The following SLC35F1 variants were observed in gnomAD, a reference collection of about 807,000 sequenced individuals.
SLC35F1 encodes the protein solute carrier family 35 member F1.
In SLC35F1, 14 loss-of-function variants were observed where a neutral mutation model predicts 48.7. That is an observed-to-expected ratio of 0.29 (90% confidence interval 0.19 to 0.45). The LOEUF (loss-of-function observed/expected upper bound fraction) is 0.45. Among genes scored for constraint, SLC35F1 ranks in the 20% least tolerant of loss-of-function variants. The probability of loss-of-function intolerance (pLI) is 1.00; values close to 1 mark genes in which losing one functional copy is unlikely to be tolerated. For missense variants in SLC35F1, 404 were observed against 500.0 expected (o/e 0.81, Z 1.83); for synonymous variants, 190 against 202.2 (o/e 0.94, Z 0.51).
rs1372316137 is a variant in SLC35F1, at chr6:118,093,302, C to T, written c.174-61143C>T. ...CTGCACTCCAGCCTGGGTGACAGAG[C>T]GAGACTCCATCTCAAAAAAAAAAAT... On this transcript the variant is annotated intron_variant, in intron 1 of 7. Transcript: ENST00000360388. Among the ~76,000 whole-genome samples, 9 of 151,592 alleles carry T rather than the reference C, an allele frequency of 5.9e-5. No individual in the cohort carries two copies. The East Asian group carries it at 9.7e-4, about 16-fold the overall frequency.
intron 1 of SLC35F1, among the ~76,000 whole-genome samples, chr6:118,033,202 T>G (rs1435588855): frequency 1.3e-5 from 2 of 152,166 alleles, no homozygotes; most frequent in African/African-American, 4.8e-5. Context: ...TATGCTCATT[T>G]GCATTTTATT....
intron 1 of SLC35F1, among the ~76,000 whole-genome samples, chr6:118,010,535 C>T (rs372176107): frequency 1.3e-5 from 2 of 152,102 alleles, no homozygotes; most frequent in African/African-American, 4.8e-5. Flanking sequence ...CTTTTTAAGG[C>T]TATATCAATA....
chr6:117,971,183 G>A (rs1458195174), intron 1 of SLC35F1, among the ~76,000 whole-genome samples: 2 of 152,152 alleles, frequency 1.3e-5, no homozygotes, highest in African/African-American at 2.4e-5. Flanking sequence ...AAACAAAGGG[G>A]CTACAGGCCT....
intron 1 of SLC35F1, among the ~76,000 whole-genome samples, chr6:117,908,108 C>T (rs2114790731): frequency 6.6e-6 from 1 of 152,348 alleles, no homozygotes; most frequent in African/African-American, 2.4e-5. Context: ...AGTGGTGGAG[C>T]TGCAGCTGGT....
chr6:118,120,640 A>G (rs992062133), intron 1 of SLC35F1, among the ~76,000 whole-genome samples: 9 of 152,176 alleles, frequency 5.9e-5, no homozygotes, highest in Non-Finnish European at 1.0e-4. Flanking sequence ...AAAATAATGA[A>G]CAAGGGCTCA....
chr6:118,011,182 T>C (rs1777241337), intron 1 of SLC35F1, among the ~76,000 whole-genome samples: 1 of 152,166 alleles, frequency 6.6e-6, no homozygotes, highest in Admixed American at 6.5e-5. Flanking sequence ...AGACATTAGA[T>C]TCTTATAAGG....
At chr6:118,217,138 T>C (rs770476187) in intron 2 of SLC35F1, among the ~76,000 whole-genome samples, 10 of 152,340 alleles carry the variant, frequency 6.6e-5, no homozygotes, top group Non-Finnish European at 1.2e-4. Flanking sequence ...TATACATGCA[T>C]ATTCAAAAGG....
intron 1 of SLC35F1, among the ~76,000 whole-genome samples, chr6:117,979,313 AC>A (rs1366729729): frequency 6.6e-6 from 1 of 151,864 alleles, no homozygotes; most frequent in African/African-American, 2.4e-5. Context: ...TAATATCACA[AC>A]CCTCCGTTAC....
intron 1 of SLC35F1, among the ~76,000 whole-genome samples, chr6:118,001,887 A>G (rs1323663831): frequency 2.0e-5 from 3 of 151,628 alleles, no homozygotes; most frequent in Non-Finnish European, 4.4e-5. Flanking sequence ...AATGCAAATC[A>G]AAACCACAAT....
At chr6:118,231,636 C>A (rs1775294409) in intron 2 of SLC35F1, among the ~76,000 whole-genome samples, 1 of 152,144 alleles carries the variant, frequency 6.6e-6, no homozygotes, top group African/African-American at 2.4e-5. Context: ...AATATGGAAG[C>A]ATTTATTTAG....
At chr6:118,216,430 G>A (rs1461512124) in intron 2 of SLC35F1, among the ~76,000 whole-genome samples, 4 of 141,628 alleles carry the variant, frequency 2.8e-5, no homozygotes, top group African/African-American at 1.1e-4. Context: ...GGGAGGCAAA[G>A]AAGATAAGTT....
intron 2 of SLC35F1, among the ~76,000 whole-genome samples, chr6:118,167,532 A>C (rs1469210043): frequency 6.6e-6 from 1 of 152,202 alleles, no homozygotes; most frequent in African/African-American, 2.4e-5. Flanking sequence ...AATAATGAGT[A>C]TATATTTGTG....
chr6:118,185,807 A>G (rs1774648012), intron 2 of SLC35F1, among the ~76,000 whole-genome samples: 1 of 152,110 alleles, frequency 6.6e-6, no homozygotes, highest in South Asian at 2.1e-4. Context: ...CCTGTGTTGT[A>G]AGTTCTGTGA....
At chr6:118,015,043 A>G (rs577520415) in intron 1 of SLC35F1, among the ~76,000 whole-genome samples, 1 of 152,334 alleles carries the variant, frequency 6.6e-6, no homozygotes, top group South Asian at 2.1e-4. Flanking sequence ...AATAAGTCTC[A>G]TGACATCTCA....
intron 1 of SLC35F1, among the ~76,000 whole-genome samples, chr6:118,037,935 T>C (rs1271643067): frequency 6.6e-6 from 1 of 152,068 alleles, no homozygotes; most frequent in African/African-American, 2.4e-5. Flanking sequence ...TCTTAAAACC[T>C]AGAAGATGGG....
At chr6:117,975,555 A>G (rs1383811579) in intron 1 of SLC35F1, among the ~76,000 whole-genome samples, 2 of 152,164 alleles carry the variant, frequency 1.3e-5, no homozygotes, top group Non-Finnish European at 2.9e-5. Flanking sequence ...TAACCTGTCA[A>G]TCAGATGTGA....
chr6:118,171,042 C>CT lies in SLC35F1; in HGVS notation c.349+16428dup, dbSNP rs1774396664. On this transcript the variant is annotated intron_variant, in intron 2 of 7. Transcript: ENST00000360388. ...GCAGCTTGCTTTTTTCTTTGTTCTT[C>CT]TTTTTTCTTTTGGAAACAGGGTCTC... 3.3e-5 allele frequency among the ~76,000 whole-genome samples: 5 copies of CT among 151,854 alleles called. No homozygotes were observed. The South Asian group carries it at 1.0e-3, about 32-fold the overall frequency.
chr6:118,203,301 G>A (rs573936244), intron 2 of SLC35F1, among the ~76,000 whole-genome samples: 1 of 152,232 alleles, frequency 6.6e-6, no homozygotes, highest in African/African-American at 2.4e-5. Flanking sequence ...AGAGCAACAG[G>A]GTCCTTTTAA....
intron 4 of SLC35F1, among the ~76,000 whole-genome samples, chr6:118,269,187 C>T (rs1004265262): frequency 5.9e-5 from 9 of 152,238 alleles, no homozygotes; most frequent in African/African-American, 2.2e-4. Context: ...AGCAAAACTG[C>T]TTAAGAAAAA....
Sources: allele counts gnomAD v4.1 joint callset (sites outside exome capture counted in the v4.1 genomes callset), GRCh38; gene constraint gnomAD v4.1.1; transcripts MANE v1.5; gene names NCBI Gene and HGNC (gene_info 2026-07-23, HGNC 2026-07-21).